Variants in PCSK6 observed in about 807,000 individuals in gnomAD.
PCSK6 encodes paired basic amino acid cleaving enzyme 4.
Under a neutral mutation model 123.3 loss-of-function variants are expected in PCSK6, and 85 were observed. The ratio of observed to expected loss-of-function variants is 0.69; its 90% confidence interval spans 0.58 to 0.83. The LOEUF (loss-of-function observed/expected upper bound fraction) is 0.83. PCSK6 is among the 40% of genes least tolerant of loss of function. The probability of loss-of-function intolerance (pLI) is 0.00; values close to 1 mark genes in which losing one functional copy is unlikely to be tolerated. For missense variants in PCSK6, 1,191 were observed against 1,282.3 expected (o/e 0.93, Z 1.09); for synonymous variants, 508 against 516.0 (o/e 0.98, Z 0.21).
intron 11 of PCSK6, among the ~76,000 whole-genome samples, chr15:101,378,858 CCTT>C (rs1198630515): frequency 1.3e-5 from 2 of 152,256 alleles, no homozygotes; most frequent in Non-Finnish European, 2.9e-5. Flanking sequence ...CCATGGATGG[CCTT>C]TTTTCAAATG....
chr15:101,437,252 G>A (rs59713424), intron 2 of PCSK6, among the ~76,000 whole-genome samples: 2,229 of 152,284 alleles, frequency 0.015, 39 homozygotes, highest in African/African-American at 0.04. Flanking sequence ...GAGGGCCATC[G>A]TGACAAGTGA....
Position 101,489,499 on chromosome 15 carries a change from GCAGCGCCAGCAGCAGCAGC to G in PCSK6, c.153_171del (p.Trp51CysfsTer64). The G allele has an allele frequency of 1.9e-6, 2 of 1,054,934 alleles. No individual in the cohort carries two copies. Among genetic ancestry groups the G allele is most frequent in the Non-Finnish European group, 2.3e-6 (2 of 876,720 alleles). 65.3% of individuals were successfully genotyped at this position (1,054,934 alleles called of 1,614,324 possible). On this transcript the variant is annotated frameshift_variant, in exon 1 of 22. Coordinates refer to ENST00000611716, the MANE Select transcript of PCSK6 (RefSeq NM_002570.5). LOFTEE classifies it high-confidence loss of function. ...GGCGGGGGCGCGGAGCAGGCGGCAG[GCAGCGCCAGCAGCAGCAGC>G]CAGCGCCAGGGACGCGGCGCGAGCG... is the stretch of plus-strand genomic sequence containing the variant.
chr15:101,364,664 C>T (rs1469924914), intron 13 of PCSK6, among the ~76,000 whole-genome samples: 1 of 152,144 alleles, frequency 6.6e-6, no homozygotes, highest in African/African-American at 2.4e-5. Flanking sequence ...TAAAGAAGAG[C>T]TAAATAAACA....
intron 17 of PCSK6, among the ~76,000 whole-genome samples, chr15:101,323,826 A>G (rs987247294): frequency 1.3e-5 from 2 of 151,988 alleles, no homozygotes; most frequent in Non-Finnish European, 2.9e-5. Flanking sequence ...CGGCAGTGCC[A>G]TGACAGGCCG....
chr15:101,397,968 T>C (rs535856917), intron 7 of PCSK6, among the ~76,000 whole-genome samples: 1 of 152,222 alleles, frequency 6.6e-6, no homozygotes, highest in Non-Finnish European at 1.5e-5. Flanking sequence ...CAGCGGGGCC[T>C]GGGTGAGCAC....
In PCSK6 at chr15:101,385,983, G is replaced by A. The variant is rs560013196; in HGVS notation, c.1311-1558C>T. Among the ~76,000 whole-genome samples the A allele has an allele frequency of 5.9e-5, 9 of 152,020 alleles. No individual in the cohort carries two copies. The South Asian group carries it at 1.9e-3, about 32-fold the overall frequency. On this transcript the variant is annotated intron_variant, in intron 9 of 21. Coordinates refer to ENST00000611716, the MANE Select transcript of PCSK6 (RefSeq NM_002570.5). The stretch of plus-strand genomic sequence containing the variant: ...CCAAGAATAAACGAACATCTCTCGA[G>A]TCCAAGACTCTCACTCCCTAATATC...
At chr15:101,350,878 G>A (rs756024202) in intron 13 of PCSK6, among the ~76,000 whole-genome samples, 1 of 152,220 alleles carries the variant, frequency 6.6e-6, no homozygotes. Flanking sequence ...CTGGCTTAAC[G>A]GAACTGATTG....
intron 1 of PCSK6, among the ~76,000 whole-genome samples, chr15:101,457,149 G>C (rs2057207482): frequency 6.6e-6 from 1 of 152,042 alleles, no homozygotes; most frequent in African/African-American, 2.4e-5. Context: ...TCCAGCCTGA[G>C]CAACAGAGTG....
At position 101,382,121 on chromosome 15, in the gene PCSK6, C is replaced by A; in HGVS notation, c.1503G>T (p.Met501Ile). 1.2e-6 allele frequency: 2 copies of A among 1,611,308 alleles called. No individual in the cohort carries two copies. Among genetic ancestry groups the A allele is most frequent in the Non-Finnish European group, 1.7e-6 (2 of 1,178,804 alleles). Reference sequence around the variant, plus strand: ...GTCTCTTGTCCGAGGCGGCCACACACATGTGCTGCGATGGCACTGCTGTCC... The same window carrying A: ...GTCTCTTGTCCGAGGCGGCCACACAAATGTGCTGCGATGGCACTGCTGTCC... ...KKWTAVPSQH[M>I]CVAASDKRPR... Residue 501 changes from methionine (M) to isoleucine (I), a missense_variant, in exon 11 of 22, where the codon ATG becomes ATT. Transcript: ENST00000611716.
intron 3 of PCSK6, 80 bp from the exon 4 acceptor site, chr15:101,431,543 G>A: frequency 6.4e-7 from 1 of 1,572,014 alleles, no homozygotes; most frequent in Non-Finnish European, 8.7e-7. Flanking sequence ...CACCCCACAG[G>A]GAGGCGCTTA....
At chr15:101,394,767 C>T (rs749752986) in intron 7 of PCSK6, among the ~76,000 whole-genome samples, 16 of 152,204 alleles carry the variant, frequency 1.1e-4, no homozygotes, top group Middle Eastern at 3.2e-3. Flanking sequence ...GCTCACACCA[C>T]GGGGGTTTGT....
rs753715560 is a variant in PCSK6, at chr15:101,326,369, T to C, written c.2180+8A>G. 1.3e-6 allele frequency: 2 copies of C among 1,561,556 alleles called. No homozygotes were observed. Among genetic ancestry groups the C allele is most frequent in the Admixed American group, 1.9e-5 (1 of 52,638 alleles). On this transcript the variant is annotated splice_region_variant and intron_variant, in intron 16 of 21. Coordinates refer to ENST00000611716, the MANE Select transcript of PCSK6 (RefSeq NM_002570.5). ...TGGTGAGCCACAGGGCTGCGGGACATGCATTACCTGCTGGTCTTGACACTC... is the reference window on the plus strand; with the variant it reads ...TGGTGAGCCACAGGGCTGCGGGACACGCATTACCTGCTGGTCTTGACACTC...
chr15:101,318,344 G>T lies in PCSK6; in HGVS notation c.2544C>A (p.Cys848Ter), dbSNP rs745341433. Residue 848 changes from cysteine (C) to a stop codon, truncating the protein, a stop_gained, in exon 19 of 22, where the codon TGC becomes TGA. Coordinates refer to ENST00000611716, the MANE Select transcript of PCSK6 (RefSeq NM_002570.5). LOFTEE classifies it high-confidence loss of function. ...FDSELIRCGE[C>*]HHTCGTCVGP... Reference sequence around the variant, plus strand: ...CCACGCAGGTTCCGCAGGTGTGATGGCATTCCCCACATCTGATCAGCTCTG... The same window carrying T: ...CCACGCAGGTTCCGCAGGTGTGATGTCATTCCCCACATCTGATCAGCTCTG... The T allele has an allele frequency of 2.0e-5, 31 of 1,562,184 alleles. No individual in the cohort carries two copies. Among genetic ancestry groups the T allele is most frequent in the Non-Finnish European group, 2.6e-5 (30 of 1,153,282 alleles).
At chr15:101,486,798 CCAGGGCTG>C (rs1314759843) in intron 1 of PCSK6, among the ~76,000 whole-genome samples, 1 of 152,198 alleles carries the variant, frequency 6.6e-6, no homozygotes, top group African/African-American at 2.4e-5. Context: ...TGGGAGAAAA[CCAGGGCTG>C]CGATTCAGGC....
At chr15:101,404,262 A>G (rs1260974651) in intron 6 of PCSK6, among the ~76,000 whole-genome samples, 2 of 152,142 alleles carry the variant, frequency 1.3e-5, no homozygotes, top group African/African-American at 4.8e-5. Context: ...ATCTATTGTA[A>G]GTTCCTTTCC....
intron 1 of PCSK6, among the ~76,000 whole-genome samples, chr15:101,488,180 A>G (rs987360974): frequency 1.3e-5 from 2 of 152,190 alleles, no homozygotes; most frequent in Admixed American, 6.5e-5. Flanking sequence ...TAACGATGAA[A>G]CTACATTTAA....
intron 13 of PCSK6, among the ~76,000 whole-genome samples, chr15:101,344,595 A>G (rs1261275678): frequency 2.0e-5 from 3 of 152,164 alleles, no homozygotes; most frequent in Non-Finnish European, 4.4e-5. Context: ...GGGGTGGAGG[A>G]GTGGAGAATG....
intron 1 of PCSK6, among the ~76,000 whole-genome samples, chr15:101,466,094 T>C (rs528609877): frequency 6.6e-6 from 1 of 152,014 alleles, no homozygotes; most frequent in Non-Finnish European, 1.5e-5. Context: ...AAGGACACCA[T>C]CAAGAAAGTG....
At chr15:101,315,307 G>A (rs1421108873) in intron 19 of PCSK6, among the ~76,000 whole-genome samples, 2 of 152,190 alleles carry the variant, frequency 1.3e-5, no homozygotes, top group Non-Finnish European at 2.9e-5. Flanking sequence ...TAAAAAAGCT[G>A]TTAAAGTGGG....
Sources: gnomAD v4.1 joint callset for allele counts (sites outside exome capture counted in the v4.1 genomes callset) on GRCh38, gnomAD v4.1.1 for gene constraint, MANE v1.5 for transcripts, NCBI Gene and HGNC (gene_info 2026-07-23, HGNC 2026-07-21) for gene names.